The following PRSS23 variants were observed in gnomAD, a reference collection of about 807,000 sequenced individuals.
PRSS23 encodes the protein serine protease 23.
Under a neutral mutation model 34.7 loss-of-function variants are expected in PRSS23, and 25 were observed. That is an observed-to-expected ratio of 0.72 (90% confidence interval 0.53 to 1.01). PRSS23 has a LOEUF of 1.01. Ranked by LOEUF, PRSS23 falls within the 50% of genes least tolerant of loss-of-function variation. PRSS23 has a pLI of 0.00. For missense variants in PRSS23, 445 were observed against 475.6 expected (o/e 0.94, Z 0.60); for synonymous variants, 176 against 186.6 (o/e 0.94, Z 0.46).
At chr11:86,930,366 A>G (rs1347888314) in intron 2 of PRSS23, among the ~76,000 whole-genome samples, 1 of 152,210 alleles carries the variant, frequency 6.6e-6, no homozygotes, top group South Asian at 2.1e-4. Flanking sequence ...AGGAAGGGGA[A>G]GCCCAGGGCC....
rs545639170 is a variant in PRSS23 at position 86,881,879 on chromosome 11, C to CAT, written c.206+58293_206+58294dup. ...TCATCTAGGTTATCTAATTTTTTGG[C>CAT]ATATATATTAATTGTTCATAGTATT... On this transcript the variant is annotated intron_variant, in intron 2 of 2. Transcript: ENST00000533902. 2.8e-3 allele frequency among the ~76,000 whole-genome samples: 433 copies of CAT among 152,198 alleles called. 3 individuals are homozygous for CAT. Among genetic ancestry groups the CAT allele is most frequent in the African/African-American group, 9.1e-3 (376 of 41,542 alleles).
chr11:86,873,215 CAG>C (rs1565372491), intron 2 of PRSS23, among the ~76,000 whole-genome samples: 2 of 90,840 alleles, frequency 2.2e-5, no homozygotes, highest in Admixed American at 2.2e-4. Flanking sequence ...CACACACACA[CAG>C]ATATATGTAT....
chr11:86,868,335 A>G (rs1948664134), intron 2 of PRSS23, among the ~76,000 whole-genome samples: 1 of 152,228 alleles, frequency 6.6e-6, no homozygotes, highest in Admixed American at 6.5e-5. Flanking sequence ...TCCATGTGGT[A>G]TGCTGGCTGA....
intron 1 of PRSS23, among the ~76,000 whole-genome samples, chr11:86,795,116 A>G (rs1010774282): frequency 6.6e-6 from 1 of 152,138 alleles, no homozygotes; most frequent in Non-Finnish European, 1.5e-5. Flanking sequence ...TCTGGATTAA[A>G]CTTTTTAGCA....
At chr11:86,903,691 G>T (rs902128658) in intron 2 of PRSS23, among the ~76,000 whole-genome samples, 5 of 152,072 alleles carry the variant, frequency 3.3e-5, no homozygotes, top group African/African-American at 1.2e-4. Context: ...CACTGTGTTA[G>T]CCAGGATGGT....
chr11:86,866,463 A>G (rs534525039), intron 2 of PRSS23, among the ~76,000 whole-genome samples: 88 of 152,186 alleles, frequency 5.8e-4, no homozygotes, highest in Non-Finnish European at 1.0e-3. Flanking sequence ...TTTAAGCAAC[A>G]TCACCCTATG....
At position 86,854,626 on chromosome 11, in the gene PRSS23, AG is replaced by A. The variant is rs201910503; in HGVS notation, c.206+31035del. Among the ~76,000 whole-genome samples the A allele has an allele frequency of 6.7e-3, 1,016 of 152,284 alleles. 12 individuals carry two copies. The highest frequency in any genetic ancestry group is 0.023 in the African/African-American group (950 of 41,560). On this transcript the variant is annotated intron_variant, in intron 2 of 2. Transcript: ENST00000533902. ...AAAGGTTTTGGCAGCGTTTTCATTT[AG>A]GCATGTTATAGTTTTAGCTCTTGGG...
At chr11:86,882,795 T>A (rs1258763597) in intron 2 of PRSS23, among the ~76,000 whole-genome samples, 1 of 152,236 alleles carries the variant, frequency 6.6e-6, no homozygotes, top group Non-Finnish European at 1.5e-5. Context: ...TCCACAATGG[T>A]TGAACTAATT....
At chr11:86,860,730 C>A (rs61906688) in intron 2 of PRSS23, among the ~76,000 whole-genome samples, 22,763 of 151,482 alleles carry the variant, frequency 0.15, 1,814 homozygotes, top group East Asian at 0.25. Context: ...CAAATTTGGC[C>A]GGTGGTTTGA....
chr11:86,879,673 T>C (rs1178836270), intron 2 of PRSS23, among the ~76,000 whole-genome samples: 2 of 109,016 alleles, frequency 1.8e-5, no homozygotes, highest in Non-Finnish European at 3.7e-5. Flanking sequence ...GGGAAGGAGG[T>C]GGGGGGGTCA....
chr11:86,933,012 G>C (rs1949136591), intron 2 of PRSS23: 1 of 152,212 alleles, frequency 6.6e-6, no homozygotes, highest in Admixed American at 6.5e-5. Context: ...GTCAGTAACT[G>C]ACTTTGGCTC....
chr11:86,904,716 A>T (rs1046963102), intron 2 of PRSS23, among the ~76,000 whole-genome samples: 1 of 152,172 alleles, frequency 6.6e-6, no homozygotes, highest in African/African-American at 2.4e-5. Flanking sequence ...ATCTGTGGAC[A>T]ACATATAAAT....
intron 2 of PRSS23, among the ~76,000 whole-genome samples, chr11:86,829,408 A>G (rs1948331736): frequency 6.6e-6 from 1 of 152,120 alleles, no homozygotes; most frequent in Admixed American, 6.5e-5. Flanking sequence ...AATTTTTTTC[A>G]AAGTTTTCAA....
intron 1 of PRSS23, among the ~76,000 whole-genome samples, chr11:86,822,091 A>C (rs573113178): frequency 2.2e-4 from 34 of 152,308 alleles, no homozygotes; most frequent in Non-Finnish European, 5.0e-4. Flanking sequence ...TGACCAGTGA[A>C]TTATCAAGCA....
chr11:86,814,352 G>A (rs1187319155), downstream of PRSS23, among the ~76,000 whole-genome samples: 1 of 148,678 alleles, frequency 6.7e-6, no homozygotes, highest in African/African-American at 2.5e-5. Flanking sequence ...TTCAGTAGAA[G>A]AGAAGGAGGA....
intron 1 of PRSS23, among the ~76,000 whole-genome samples, chr11:86,817,656 C>A (rs890358108): frequency 6.6e-6 from 1 of 152,174 alleles, no homozygotes; most frequent in Non-Finnish European, 1.5e-5. Context: ...AAGAATCCTG[C>A]AGTTTCTTCA....
At chr11:86,935,994 C>T (rs1949159294) in intron 2 of PRSS23, 1 of 152,170 alleles carries the variant, frequency 6.6e-6, no homozygotes, top group African/African-American at 2.4e-5. Flanking sequence ...AATGACTGCC[C>T]ATGTTGCAAA....
At chr11:86,863,492 G>T (rs1169024404) in intron 2 of PRSS23, among the ~76,000 whole-genome samples, 1 of 152,128 alleles carries the variant, frequency 6.6e-6, no homozygotes, top group African/African-American at 2.4e-5. Context: ...TCAGGATGGG[G>T]GCCAAGAAGT....
At chr11:86,952,571 G>T in exon 3 of PRSS23, 1 of 1,341,560 alleles carries the variant, frequency 7.5e-7, no homozygotes, top group Non-Finnish European at 1.1e-6. Flanking sequence ...AGGCAATCTA[G>T]GTATCTACTT....
Sources: allele counts gnomAD v4.1 joint callset (sites outside exome capture counted in the v4.1 genomes callset), GRCh38; gene constraint gnomAD v4.1.1; transcripts MANE v1.5; gene names NCBI Gene and HGNC (gene_info 2026-07-23, HGNC 2026-07-21).